Variants in CNTN4 observed in about 807,000 individuals in gnomAD.
CNTN4 encodes contactin-4.
Under a neutral mutation model 122.5 loss-of-function variants are expected in CNTN4, and 77 were observed. The ratio of observed to expected loss-of-function variants is 0.63; its 90% confidence interval spans 0.52 to 0.76. The LOEUF is 0.76. CNTN4 is among the 30% of genes least tolerant of loss of function. CNTN4 has a pLI of 0.00. For missense variants in CNTN4, 1,256 were observed against 1,259.1 expected (o/e 1.00, Z 0.04); for synonymous variants, 512 against 447.0 (o/e 1.15, Z -1.83).
intron 6 of CNTN4, among the ~76,000 whole-genome samples, chr3:2,749,949 C>G (rs1163793585): frequency 6.6e-6 from 1 of 152,054 alleles, no homozygotes; most frequent in Non-Finnish European, 1.5e-5. Context: ...TATTGTCATA[C>G]TCATTGAAGG....
At chr3:2,490,430 T>C (rs976724350) in intron 3 of CNTN4, among the ~76,000 whole-genome samples, 3 of 152,248 alleles carry the variant, frequency 2.0e-5, no homozygotes, top group Non-Finnish European at 4.4e-5. Flanking sequence ...GTTCTTGTTA[T>C]GGAGCTGTAA....
intron 3 of CNTN4, among the ~76,000 whole-genome samples, chr3:2,349,587 GT>G (rs141202512): frequency 0.13 from 19,356 of 152,114 alleles, 1,536 homozygotes; most frequent in Non-Finnish European, 0.18. Flanking sequence ...GTCAGTTCAT[GT>G]TTTATCCATG....
intron 4 of CNTN4, among the ~76,000 whole-genome samples, chr3:2,723,967 A>G (rs930897555): frequency 1.3e-5 from 2 of 152,156 alleles, no homozygotes; most frequent in African/African-American, 4.8e-5. Flanking sequence ...TGTGGGTTAT[A>G]TGAACCAGCC....
At chr3:2,203,299 C>A (rs1042084286) in intron 2 of CNTN4, among the ~76,000 whole-genome samples, 1 of 152,034 alleles carries the variant, frequency 6.6e-6, no homozygotes, top group African/African-American at 2.4e-5. Flanking sequence ...GAATCACTAC[C>A]TACCATTTCA....
chr3:2,138,479 G>C (rs543455900), intron 2 of CNTN4, among the ~76,000 whole-genome samples: 1 of 152,258 alleles, frequency 6.6e-6, no homozygotes, highest in African/African-American at 2.4e-5. Context: ...GGGGTGCCTG[G>C]ATAAAACATT....
chr3:3,019,765 A>AATATATATATATATATATAT (rs67229453), intron 14 of CNTN4, among the ~76,000 whole-genome samples: 1 of 138,038 alleles, frequency 7.2e-6, no homozygotes, highest in Non-Finnish European at 1.5e-5. Context: ...TGTGTACACA[A>AATATATATATATATATATAT]ATATATATAT....
In CNTN4 at chr3:2,313,327, A is replaced by G. The variant is rs182596812; in HGVS notation, c.-144-25851A>G. Among the ~76,000 whole-genome samples the G allele has an allele frequency of 2.9e-3, 447 of 152,116 alleles. 2 individuals are homozygous for G. The highest frequency in any genetic ancestry group is 5.1e-3 in the Non-Finnish European group (345 of 67,942). ...AATGGATAATATTTTTATCAATGCA[A>G]ATTATATAAATTAACTCATGTTTAA... On this transcript the variant is annotated intron_variant, in intron 2 of 24. Coordinates refer to ENST00000418658, the MANE Select transcript of CNTN4 (RefSeq NM_175607.3).
chr3:2,337,046 G>A (rs1644682252), intron 2 of CNTN4, among the ~76,000 whole-genome samples: 1 of 152,230 alleles, frequency 6.6e-6, no homozygotes, highest in Admixed American at 6.5e-5. Context: ...GCAACAGGTG[G>A]GATGCATTCT....
At chr3:2,287,007 C>T (rs926209434) in intron 2 of CNTN4, among the ~76,000 whole-genome samples, 4 of 152,104 alleles carry the variant, frequency 2.6e-5, no homozygotes, top group Non-Finnish European at 4.4e-5. Flanking sequence ...TGGAGATATT[C>T]GTAGTTAGAT....
At chr3:2,537,405 A>C (rs955277364) in intron 3 of CNTN4, among the ~76,000 whole-genome samples, 1 of 152,052 alleles carries the variant, frequency 6.6e-6, no homozygotes, top group South Asian at 2.1e-4. Flanking sequence ...TGCATTTGTG[A>C]GAGCTATGTC....
chr3:2,353,477 T>A (rs1361410089), intron 3 of CNTN4, among the ~76,000 whole-genome samples: 2 of 152,112 alleles, frequency 1.3e-5, no homozygotes, highest in Non-Finnish European at 2.9e-5. Context: ...CTGCTCACTC[T>A]TTGGGTCTGC....
intron 10 of CNTN4, among the ~76,000 whole-genome samples, chr3:2,887,769 C>G (rs2093995443): frequency 6.6e-6 from 1 of 152,164 alleles, no homozygotes. Flanking sequence ...GCAGCTGCTC[C>G]TATTCCAATC....
At chr3:2,526,317 A>G (rs2077396325) in intron 3 of CNTN4, among the ~76,000 whole-genome samples, 1 of 152,196 alleles carries the variant, frequency 6.6e-6, no homozygotes, top group South Asian at 2.1e-4. Flanking sequence ...GTATTTCTGC[A>G]GTGTATCAGG....
At chr3:2,809,572 T>G (rs1219399570) in intron 6 of CNTN4, among the ~76,000 whole-genome samples, 1 of 152,178 alleles carries the variant, frequency 6.6e-6, no homozygotes, top group Admixed American at 6.6e-5. Context: ...AAACCTTTGT[T>G]TCTCTTTGTG....
intron 3 of CNTN4, among the ~76,000 whole-genome samples, chr3:2,555,757 G>A (rs1268347573): frequency 1.3e-5 from 2 of 152,174 alleles, no homozygotes; most frequent in Non-Finnish European, 2.9e-5. Context: ...GTTGGATTAA[G>A]CAGGTTTTTA....
At chr3:2,627,680 A>T (rs1052999446) in intron 4 of CNTN4, among the ~76,000 whole-genome samples, 1 of 151,732 alleles carries the variant, frequency 6.6e-6, no homozygotes, top group African/African-American at 2.4e-5. Flanking sequence ...TTTTTAGTAG[A>T]GACGGGGTTT....
intron 2 of CNTN4, among the ~76,000 whole-genome samples, chr3:2,172,764 G>A (rs1459775071): frequency 1.3e-5 from 2 of 152,158 alleles, no homozygotes; most frequent in East Asian, 3.8e-4. Context: ...TGGAGATGGA[G>A]AGCCAAGTTA....
At chr3:2,589,128 T>G (rs779576596) in intron 4 of CNTN4, among the ~76,000 whole-genome samples, 5 of 152,200 alleles carry the variant, frequency 3.3e-5, no homozygotes, top group Non-Finnish European at 5.9e-5. Context: ...GATTAACCCC[T>G]GAACTGCAGC....
intron 14 of CNTN4, among the ~76,000 whole-genome samples, chr3:3,013,658 T>C (rs1412943950): frequency 2.0e-5 from 3 of 152,190 alleles, no homozygotes; most frequent in Non-Finnish European, 4.4e-5. Context: ...ATAACCTTTC[T>C]GTGGAAAGCA....
Sources: gnomAD v4.1 joint callset for allele counts (sites outside exome capture counted in the v4.1 genomes callset) on GRCh38, gnomAD v4.1.1 for gene constraint, MANE v1.5 for transcripts, NCBI Gene and HGNC (gene_info 2026-07-23, HGNC 2026-07-21) for gene names.